Variants in AUTS2 observed in about 807,000 individuals in gnomAD.
AUTS2 encodes the protein autism susceptibility gene 2 protein.
AUTS2 carries 17 observed loss-of-function variants against 112.4 expected under a neutral mutation model. The ratio of observed to expected loss-of-function variants is 0.15; its 90% CI spans 0.10 to 0.23. The LOEUF is 0.23. Among genes scored for constraint, AUTS2 ranks in the 10% least tolerant of loss-of-function variants. The probability of loss-of-function intolerance (pLI) is 1.00; values close to 1 mark genes in which losing one functional copy is unlikely to be tolerated. For synonymous variants in AUTS2, 751 were observed against 702.7 expected, an observed-to-expected ratio of 1.07 and a Z score of -1.09; for missense variants, 1,510 against 1,701.6, an observed-to-expected ratio of 0.89 and a Z score of 1.98.
Position 70,339,273 on chromosome 7 carries a change from T to A in AUTS2, c.661-96479T>A, listed in dbSNP as rs1210449536. Among the ~76,000 whole-genome samples the A allele has an allele frequency of 3.3e-5, 5 of 152,182 alleles. No homozygotes were observed. The East Asian group carries it at 9.6e-4, about 29-fold the overall frequency. On this transcript the variant is annotated intron_variant, in intron 4 of 18. Transcript: ENST00000342771. ...GTCTTAGTCATCTCAAAGCTATTTT[T>A]AAAATTCTTATTGTTATTATCTCTT... is the stretch of plus-strand genomic sequence containing the variant.
chr7:70,074,133 A>G (rs2129563393), intron 2 of AUTS2, among the ~76,000 whole-genome samples: 1 of 152,354 alleles, frequency 6.6e-6, no homozygotes, highest in African/African-American at 2.4e-5. Flanking sequence ...GCTACTTGGC[A>G]GAATTGTTTG....
At chr7:70,341,378 G>C (rs958741095) in intron 4 of AUTS2, among the ~76,000 whole-genome samples, 1 of 152,246 alleles carries the variant, frequency 6.6e-6, no homozygotes, top group Non-Finnish European at 1.5e-5. Flanking sequence ...AACAGTCTTT[G>C]ATTATCATAT....
intron 2 of AUTS2, among the ~76,000 whole-genome samples, chr7:69,939,626 G>A (rs1025531851): frequency 2.6e-5 from 4 of 152,140 alleles, no homozygotes; most frequent in African/African-American, 9.7e-5. Flanking sequence ...ATTTGATGAG[G>A]TTTATATAAT....
intron 5 of AUTS2, among the ~76,000 whole-genome samples, chr7:70,519,795 T>C (rs1799569352): frequency 1.3e-5 from 2 of 152,170 alleles, no homozygotes; most frequent in Admixed American, 1.3e-4. Flanking sequence ...ATCACTTTAC[T>C]TAATATGAGC....
At chr7:70,646,782 G>A (rs376999062) in intron 5 of AUTS2, among the ~76,000 whole-genome samples, 2 of 152,232 alleles carry the variant, frequency 1.3e-5, no homozygotes, top group Admixed American at 6.5e-5. Context: ...GCTCTAGTGC[G>A]AGGGCCCTGG....
rs542876761 is a variant in AUTS2 at position 70,498,025 on chromosome 7, C to T, written c.690+62244C>T. ...GCATGTGTCAGATGGTGATTAGTGCCAAGGAGAGAAAGAAAGCAGGAAGAG... is the reference window on the plus strand; with the variant it reads ...GCATGTGTCAGATGGTGATTAGTGCTAAGGAGAGAAAGAAAGCAGGAAGAG... On this transcript the variant is annotated intron_variant, in intron 5 of 18. Coordinates refer to ENST00000342771, the MANE Select transcript of AUTS2 (RefSeq NM_015570.4). Among the ~76,000 whole-genome samples, 367 of 152,100 alleles carry T rather than the reference C, an allele frequency of 2.4e-3. 1 individual carries two copies. The highest frequency in any genetic ancestry group is 4.1e-3 in the Non-Finnish European group (279 of 67,994).
chr7:70,496,535 A>T, intron 5 of AUTS2, among the ~76,000 whole-genome samples: 1 of 106,152 alleles, frequency 9.4e-6, no homozygotes, highest in Non-Finnish European at 1.9e-5. Context: ...ACTCACACAC[A>T]CCACGTACAC....
Position 70,118,220 on chromosome 7 carries a change from A to G in AUTS2, c.611A>G (p.Glu204Gly), listed in dbSNP as rs149961458. The G allele has an allele frequency of 2.3e-3, 3,618 of 1,594,876 alleles. 10 individuals carry two copies. Among genetic ancestry groups the G allele is most frequent in the Non-Finnish European group, 2.9e-3 (3,385 of 1,173,884 alleles). Residue 204 changes from glutamate to glycine, a missense_variant, in exon 3 of 19, where the codon GAA (glutamate) becomes GGA (glycine). Physicochemically the swap from Glu to Gly is moderately conservative, Grantham distance 98. Coordinates refer to ENST00000342771, the MANE Select transcript of AUTS2 (RefSeq NM_015570.4). ...SKGFHRSSSR[E>G]RLSDSSAPSS... ...GGCTTCCACCGGAGCAGCTCTCGGG[A>G]AAGGCTCAGTGATGTAAGTTTAAGT...
At chr7:69,769,143 C>G (rs953512087) in intron 1 of AUTS2, among the ~76,000 whole-genome samples, 1 of 152,204 alleles carries the variant, frequency 6.6e-6, no homozygotes, top group Admixed American at 6.5e-5. Flanking sequence ...GATACATAGG[C>G]ATACCCTTAA....
At chr7:70,788,706 ATTC>A (rs936951747) in intron 18 of AUTS2, among the ~76,000 whole-genome samples, 4 of 152,308 alleles carry the variant, frequency 2.6e-5, no homozygotes, top group South Asian at 2.1e-4. Flanking sequence ...CTTAAAAGTT[ATTC>A]TTCTTCTCTG....
rs913364112 is a variant in AUTS2 at position 70,784,676 on chromosome 7, A to G, written c.2147-266A>G. On this transcript the variant is annotated intron_variant, in intron 15 of 18. Coordinates refer to ENST00000342771, the MANE Select transcript of AUTS2 (RefSeq NM_015570.4). ...TGTGTCATCGGCTTAAAAAAGAAAT[A>G]CCTGTTTTTGGTGGTGGCCAGCCAC... 7 of 493,858 alleles carry G rather than the reference A, an allele frequency of 1.4e-5. 1 individual carries two copies. Among genetic ancestry groups the G allele is most frequent in the Non-Finnish European group, 2.5e-5 (7 of 278,586 alleles). 30.6% of individuals were successfully genotyped at this position (493,858 alleles called of 1,614,324 possible).
chr7:70,009,660 T>C (rs1425012262), intron 2 of AUTS2, among the ~76,000 whole-genome samples: 4 of 152,222 alleles, frequency 2.6e-5, no homozygotes, highest in Admixed American at 2.6e-4. Flanking sequence ...TTTTTGGGTC[T>C]TTTTTCAATC....
chr7:70,108,658 A>G (rs1012789766), intron 2 of AUTS2, among the ~76,000 whole-genome samples: 3 of 151,916 alleles, frequency 2.0e-5, no homozygotes, highest in Non-Finnish European at 2.9e-5. Flanking sequence ...TGTAACTACA[A>G]CAAAATGTAA....
Position 70,600,565 on chromosome 7 carries a change from C to T in AUTS2, c.691-98004C>T, listed in dbSNP as rs138870573. Among the ~76,000 whole-genome samples the T allele has an allele frequency of 3.8e-3, 574 of 152,304 alleles. 4 individuals carry two copies. Among genetic ancestry groups the T allele is most frequent in the African/African-American group, 0.013 (541 of 41,558 alleles). On this transcript the variant is annotated intron_variant, in intron 5 of 18. Transcript: ENST00000342771. ...TGCTGGGATTACAGGCACGGGCCACCGCGCCCGGCCCAATTCAGTAATTTT... is the reference window on the plus strand; with the variant it reads ...TGCTGGGATTACAGGCACGGGCCACTGCGCCCGGCCCAATTCAGTAATTTT...
At chr7:70,494,002 A>C (rs1284848471) in intron 5 of AUTS2, among the ~76,000 whole-genome samples, 1 of 152,222 alleles carries the variant, frequency 6.6e-6, no homozygotes, top group African/African-American at 2.4e-5. Context: ...GAAAATAGTA[A>C]GGATTTATGT....
chr7:70,618,893 G>A (rs756188314), intron 5 of AUTS2, among the ~76,000 whole-genome samples: 1 of 152,244 alleles, frequency 6.6e-6, no homozygotes, highest in Non-Finnish European at 1.5e-5. Context: ...AGGGAGAGCA[G>A]GGTTTGATCC....
At chr7:70,431,137 G>A (rs78428835) in intron 4 of AUTS2, among the ~76,000 whole-genome samples, 7,496 of 151,914 alleles carry the variant, frequency 0.049, 275 homozygotes, top group Middle Eastern at 0.12. Flanking sequence ...GCGCCCGGCC[G>A]TGTCGCCATT....
intron 1 of AUTS2, among the ~76,000 whole-genome samples, chr7:69,602,082 GTGTGTGTGTGTA>G (rs1378394749): frequency 1.1e-3 from 93 of 82,822 alleles, no homozygotes; most frequent in South Asian, 4.3e-3. Flanking sequence ...GTGTGTGTGT[GTGTGTGTGTGTA>G]TATCTCACTT....
intron 4 of AUTS2, among the ~76,000 whole-genome samples, chr7:70,246,375 G>GAGGTA (rs1467560115): frequency 6.6e-6 from 1 of 152,046 alleles, no homozygotes; most frequent in Non-Finnish European, 1.5e-5. Context: ...TGTATGATGT[G>GAGGTA]AGGTAAGGTA....
Sources: allele counts gnomAD v4.1 joint callset (sites outside exome capture counted in the v4.1 genomes callset), GRCh38; gene constraint gnomAD v4.1.1; transcripts MANE v1.5; gene names NCBI Gene and HGNC (gene_info 2026-07-23, HGNC 2026-07-21).